Variants in SGTB observed in about 807,000 individuals in gnomAD.
SGTB encodes small glutamine-rich tetratricopeptide repeat-containing protein beta.
A neutral mutation model predicts 43.9 loss-of-function variants in SGTB; 19 were observed. The observed-to-expected ratio is 0.43, with a 90% confidence interval of 0.30 to 0.63. SGTB has a LOEUF of 0.63. Ranked by LOEUF, SGTB falls within the 30% of genes least tolerant of loss-of-function variation. The pLI is 0.12. For missense variants in SGTB, 304 were observed against 358.9 expected, an observed-to-expected ratio of 0.85 and a Z score of 1.24; for synonymous variants, 116 against 117.3, an observed-to-expected ratio of 0.99 and a Z score of 0.07.
At chr5:65,705,568 C>T (rs899552188) in intron 4 of SGTB, among the ~76,000 whole-genome samples, 1 of 152,158 alleles carries the variant, frequency 6.6e-6, no homozygotes, top group Non-Finnish European at 1.5e-5. Context: ...GAAACTCTCA[C>T]ATTAGCCTTG....
At chr5:65,709,298 T>C (rs748441375) in intron 3 of SGTB, among the ~76,000 whole-genome samples, 4 of 152,056 alleles carry the variant, frequency 2.6e-5, no homozygotes, top group African/African-American at 7.2e-5. Context: ...TATATAAATA[T>C]GTTCACACAC....
intron 1 of SGTB, among the ~76,000 whole-genome samples, chr5:65,721,620 G>A (rs1758282262): frequency 6.6e-6 from 1 of 152,166 alleles, no homozygotes; most frequent in South Asian, 2.1e-4. Context: ...CCGCTATAAT[G>A]TTTATTATTT....
chr5:65,673,556 C>A (rs1303482308), intron 8 of SGTB, among the ~76,000 whole-genome samples: 1 of 152,184 alleles, frequency 6.6e-6, no homozygotes, highest in Non-Finnish European at 1.5e-5. Context: ...CTCCTCTCCC[C>A]ATCCTGCCCC....
intron 8 of SGTB, among the ~76,000 whole-genome samples, chr5:65,675,357 A>T (rs913713811): frequency 6.6e-6 from 1 of 152,200 alleles, no homozygotes; most frequent in Admixed American, 6.5e-5. Flanking sequence ...CAGATGTTAG[A>T]TATCTTCCTA....
chr5:65,709,519 C>T (rs1160600120), intron 3 of SGTB, among the ~76,000 whole-genome samples: 1 of 151,852 alleles, frequency 6.6e-6, no homozygotes, highest in Non-Finnish European at 1.5e-5. Flanking sequence ...GCTGGGACTA[C>T]AGGTGCATGC....
intron 10 of SGTB, among the ~76,000 whole-genome samples, chr5:65,670,869 T>A (rs1295129276): frequency 6.6e-6 from 1 of 152,204 alleles, no homozygotes; most frequent in African/African-American, 2.4e-5. Context: ...ATATTCTAAG[T>A]GGATACACAG....
intron 8 of SGTB, among the ~76,000 whole-genome samples, chr5:65,673,121 A>G (rs1293053041): frequency 6.6e-6 from 1 of 152,220 alleles, no homozygotes. Context: ...GGAAATTTAG[A>G]ACAGATCTAT....
chr5:65,687,455 T>C (rs532429427), intron 5 of SGTB, among the ~76,000 whole-genome samples: 4 of 152,264 alleles, frequency 2.6e-5, no homozygotes, highest in Admixed American at 1.3e-4. Flanking sequence ...AGAAAGGAGA[T>C]TTCAAGAAAA....
chr5:65,680,472 G>A, intron 8 of SGTB, 22 bp downstream of exon 8: 1 of 1,604,740 alleles, frequency 6.2e-7, no homozygotes, highest in Non-Finnish European at 8.5e-7. Flanking sequence ...GCCAGTAGAG[G>A]CAGAAAAGAA....
chr5:65,720,976 T>A (rs1432007125), intron 1 of SGTB, 147 bp from the exon 2 acceptor site: 1 of 837,204 alleles, frequency 1.2e-6, no homozygotes, highest in Non-Finnish European at 1.8e-6. Context: ...CTTTTCTCTT[T>A]GTAAAGAGTC....
intron 8 of SGTB, among the ~76,000 whole-genome samples, chr5:65,678,170 T>A (rs1030148645): frequency 1.3e-5 from 2 of 152,222 alleles, no homozygotes; most frequent in Admixed American, 1.3e-4. Context: ...AAAATCAATG[T>A]GCAAAAATTG....
At chr5:65,694,195 C>T (rs1757671313) in intron 5 of SGTB, among the ~76,000 whole-genome samples, 1 of 151,796 alleles carries the variant, frequency 6.6e-6, no homozygotes, top group African/African-American at 2.4e-5. Flanking sequence ...TTTGGGAGGC[C>T]GAGACGGGTG....
chr5:65,688,594 G>A (rs1237812169), intron 5 of SGTB, among the ~76,000 whole-genome samples: 1 of 152,092 alleles, frequency 6.6e-6, no homozygotes, highest in Non-Finnish European at 1.5e-5. Context: ...ACACCTTCAG[G>A]AAACTGAAAG....
chr5:65,679,641 C>CAAA (rs543822844), intron 8 of SGTB, among the ~76,000 whole-genome samples: 1 of 151,682 alleles, frequency 6.6e-6, no homozygotes, highest in African/African-American at 2.4e-5. Flanking sequence ...ACAACAACAA[C>CAAA]AACAAAAAAA....
At chr5:65,702,669 C>T (rs769770913) in intron 5 of SGTB, among the ~76,000 whole-genome samples, 1 of 152,188 alleles carries the variant, frequency 6.6e-6, no homozygotes, top group Non-Finnish European at 1.5e-5. Flanking sequence ...GCCTCATAAC[C>T]TAATCACCTT....
At chr5:65,716,516 C>T (rs558712001) in intron 2 of SGTB, among the ~76,000 whole-genome samples, 1 of 152,200 alleles carries the variant, frequency 6.6e-6, no homozygotes, top group Admixed American at 6.5e-5. Flanking sequence ...CAAATCTAGA[C>T]ATATTTTGAA....
chr5:65,691,707 G>A (rs1362439963), intron 5 of SGTB, among the ~76,000 whole-genome samples: 2 of 151,028 alleles, frequency 1.3e-5, no homozygotes, highest in Non-Finnish European at 3.0e-5. Context: ...TTGGGAGGCC[G>A]AGGCAGGCAG....
At chr5:65,715,535 G>T (rs954986700) in intron 2 of SGTB, among the ~76,000 whole-genome samples, 1 of 152,200 alleles carries the variant, frequency 6.6e-6, no homozygotes, top group Non-Finnish European at 1.5e-5. Flanking sequence ...GGAAATGCCC[G>T]AGACCATTGG....
rs1432055802 is a variant in SGTB, at chr5:65,720,907, T to C, written c.-22-78A>G. ...GGAAAGTCATAAATTACAAAGATGA[T>C]ATGGGTTATAAAGTGTATTAAAGGT... On this transcript the variant is annotated intron_variant, in intron 1 of 10. Coordinates refer to ENST00000381007, the MANE Select transcript of SGTB (RefSeq NM_019072.3). The C allele has an allele frequency of 4.2e-6, 6 of 1,439,424 alleles. No homozygotes were observed. The East Asian group carries it at 9.6e-5, about 23-fold the overall frequency. 89.2% of individuals were successfully genotyped at this position (1,439,424 alleles called of 1,614,324 possible). A position where few individuals can be genotyped will look rare whatever the true frequency, so the allele number is the denominator to read the frequency against.
Sources: gnomAD v4.1 joint callset for allele counts (sites outside exome capture counted in the v4.1 genomes callset) on GRCh38, gnomAD v4.1.1 for gene constraint, MANE v1.5 for transcripts, NCBI Gene and HGNC (gene_info 2026-07-23, HGNC 2026-07-21) for gene names.